The following CCDC152 variants were observed in gnomAD, a reference collection of about 807,000 sequenced individuals.
CCDC152 encodes coiled-coil domain containing 152.
In CCDC152, 37 loss-of-function variants were observed where a neutral mutation model predicts 38.1. The ratio of observed to expected loss-of-function variants is 0.97; its 90% CI spans 0.75 to 1.28. The LOEUF is 1.28. Among genes scored for constraint, CCDC152 ranks in the 50% most tolerant of loss-of-function variants. The pLI is 0.00. For synonymous variants in CCDC152, 83 were observed against 87.1 expected (o/e 0.95, Z 0.26); for missense variants, 259 against 292.1 (o/e 0.89, Z 0.83).
At position 42,799,966 on chromosome 5, in the gene CCDC152, C is replaced by A; in HGVS notation, c.*185C>A. ...TGCATTCTTGCTTAATAGTATTAAC[C>A]ATAAAGGAGGTCAGGTTTATAGGGT... is the stretch of plus-strand genomic sequence containing the variant. On this transcript the variant is annotated 3_prime_UTR_variant, in exon 9 of 9. Transcript: ENST00000361970. The A allele has an allele frequency of 1.6e-6, 1 of 640,448 alleles. No homozygotes were observed. Among genetic ancestry groups the A allele is most frequent in the Non-Finnish European group, 2.6e-6 (1 of 390,614 alleles). The allele number at this position is 640,448 out of a possible 1,614,324, so 39.7% of individuals were successfully genotyped here.
At chr5:42,782,913 C>CTGG (rs1262375591) in intron 5 of CCDC152, among the ~76,000 whole-genome samples, 1 of 151,836 alleles carries the variant, frequency 6.6e-6, no homozygotes, top group Non-Finnish European at 1.5e-5. Flanking sequence ...GTCCCCCAGG[C>CTGG]TGGAGTGCAG....
At position 42,801,126 on chromosome 5, in the gene CCDC152, T is replaced by A; in HGVS notation, c.*1345T>A. On this transcript the variant is annotated 3_prime_UTR_variant, in exon 9 of 9. Transcript: ENST00000361970. ...CTGCCTATGCTGACCCTTGTGCTTATGGTGGTGATGAAGGCCTGGAGGAGC... is the reference window on the plus strand; with the variant it reads ...CTGCCTATGCTGACCCTTGTGCTTAAGGTGGTGATGAAGGCCTGGAGGAGC... 1 of 1,614,138 alleles carries A rather than the reference T, an allele frequency of 6.2e-7. No individual in the cohort carries two copies. The highest frequency in any genetic ancestry group is 1.6e-4 in the Middle Eastern group (1 of 6,062).
intron 4 of CCDC152, among the ~76,000 whole-genome samples, chr5:42,772,964 C>T (rs1274494948): frequency 6.6e-6 from 1 of 152,180 alleles, no homozygotes; most frequent in African/African-American, 2.4e-5. Context: ...GGAAGCTGAT[C>T]GCATCCAAGC....
intron 7 of CCDC152, among the ~76,000 whole-genome samples, 188 bp downstream of exon 7, chr5:42,797,144 C>T (rs1760087006): frequency 6.6e-6 from 1 of 152,236 alleles, no homozygotes; most frequent in South Asian, 2.1e-4. Context: ...TCTGCATTGC[C>T]TTTCAGCACT....
At chr5:42,780,206 T>C (rs1023758930) in intron 5 of CCDC152, among the ~76,000 whole-genome samples, 2 of 152,152 alleles carry the variant, frequency 1.3e-5, no homozygotes, top group Non-Finnish European at 2.9e-5. Flanking sequence ...GTTGAATCTA[T>C]AGGAGCTTTC....
intron 2 of CCDC152, 32 bp downstream of exon 2, chr5:42,759,240 T>C (rs983917407): frequency 7.4e-7 from 1 of 1,345,052 alleles, no homozygotes; most frequent in Admixed American, 2.2e-5. Flanking sequence ...TTCTACTATA[T>C]AGGGATACAT....
At chr5:42,797,634 G>A (rs887951194) in intron 7 of CCDC152, among the ~76,000 whole-genome samples, 6 of 151,928 alleles carry the variant, frequency 3.9e-5, no homozygotes, top group African/African-American at 9.7e-5. Flanking sequence ...TGTTTCTAAC[G>A]CTTCACATTT....
At position 42,769,685 on chromosome 5, in the gene CCDC152, A is replaced by G. The variant is rs1241170970; in HGVS notation, c.262+20A>G. 2 of 1,465,146 alleles carry G rather than the reference A, an allele frequency of 1.4e-6. No individual in the cohort carries two copies. The highest frequency in any genetic ancestry group is 1.8e-6 in the Non-Finnish European group (2 of 1,106,728). The allele number at this position is 1,465,146 out of a possible 1,614,324, so 90.8% of individuals were successfully genotyped here. ...TGAAAGGTAAGTTAGAAAAAAAAGT[A>G]AAATCTAAAAAAGCATTGTGTATTT... On this transcript the variant is annotated intron_variant, in intron 4 of 8. Transcript: ENST00000361970.
chr5:42,771,566 C>A (rs1759699440), intron 4 of CCDC152, among the ~76,000 whole-genome samples: 1 of 150,846 alleles, frequency 6.6e-6, no homozygotes, highest in Non-Finnish European at 1.5e-5. Flanking sequence ...TATATAAAAG[C>A]AGAAATGAAA....
chr5:42,759,029 T>C lies in CCDC152; in HGVS notation c.-2-91T>C, dbSNP rs900374213. 1.8e-5 allele frequency: 16 copies of C among 904,512 alleles called. No homozygotes were observed. In the East Asian group the frequency reaches 2.8e-4, roughly 16 times the overall value. The allele number at this position is 904,512 out of a possible 1,614,324, so 56.0% of individuals were successfully genotyped here. A position where few individuals can be genotyped will look rare whatever the true frequency, so the allele number is the denominator to read the frequency against. On this transcript the variant is annotated intron_variant, in intron 1 of 8. Coordinates refer to ENST00000361970, the MANE Select transcript of CCDC152 (RefSeq NM_001134848.2). Reference sequence around the variant, plus strand: ...AAGTAGGTGCCCTATGAGTTGAATATAGAAATGTTAGTATTTGAGCTATGA... The same window carrying C: ...AAGTAGGTGCCCTATGAGTTGAATACAGAAATGTTAGTATTTGAGCTATGA...
intron 6 of CCDC152, among the ~76,000 whole-genome samples, chr5:42,790,269 C>T (rs1490021509): frequency 2.0e-5 from 3 of 151,972 alleles, no homozygotes; most frequent in African/African-American, 4.8e-5. Context: ...GTTGGGAGTT[C>T]GAGTTCAGGC....
intron 6 of CCDC152, among the ~76,000 whole-genome samples, chr5:42,784,554 A>G (rs1343890796): frequency 6.6e-6 from 1 of 151,982 alleles, no homozygotes; most frequent in Non-Finnish European, 1.5e-5. Flanking sequence ...CCCATTCTGT[A>G]GGTTGTCTGT....
chr5:42,780,444 C>CA (rs1759830305), intron 5 of CCDC152, among the ~76,000 whole-genome samples: 1 of 151,966 alleles, frequency 6.6e-6, no homozygotes, highest in Non-Finnish European at 1.5e-5. Flanking sequence ...TATTCTTTCC[C>CA]AATCCTTTTA....
chr5:42,758,984 C>A (rs900903029), intron 1 of CCDC152, 136 bp from the exon 2 acceptor site: 2 of 539,328 alleles, frequency 3.7e-6, no homozygotes, highest in East Asian at 6.3e-5. Flanking sequence ...AACAAAAATT[C>A]TCGCAGTGCA....
chr5:42,772,741 A>G (rs896789364), intron 4 of CCDC152, among the ~76,000 whole-genome samples: 2 of 152,130 alleles, frequency 1.3e-5, no homozygotes, highest in Non-Finnish European at 2.9e-5. Context: ...CACTTTCCCA[A>G]TGCTTTTACA....
At chr5:42,758,231 G>A (rs1579702387) in intron 1 of CCDC152, among the ~76,000 whole-genome samples, 3 of 152,172 alleles carry the variant, frequency 2.0e-5, no homozygotes, top group South Asian at 4.1e-4. Flanking sequence ...ATATCTTGAT[G>A]AAATAACATA....
rs553083986 is a variant in CCDC152 at position 42,765,994 on chromosome 5, A to G, written c.193+3446A>G. On this transcript the variant is annotated intron_variant, in intron 3 of 8. Coordinates refer to ENST00000361970, the MANE Select transcript of CCDC152 (RefSeq NM_001134848.2). Reference sequence around the variant, plus strand: ...AGAGACAACCCACAGAATGGGAAAAAATATTTGCAAACTACCCCTCTGACA... The same window carrying G: ...AGAGACAACCCACAGAATGGGAAAAGATATTTGCAAACTACCCCTCTGACA... Among the ~76,000 whole-genome samples the G allele has an allele frequency of 2.9e-4, 44 of 152,282 alleles. 1 individual carries two copies. The highest frequency in any genetic ancestry group is 1.0e-3 in the African/African-American group (42 of 41,566).
rs376550561 is a variant in CCDC152 at position 42,800,560 on chromosome 5, A to T, written c.*779A>T. 6 of 827,300 alleles carry T rather than the reference A, an allele frequency of 7.3e-6. No individual in the cohort carries two copies. The highest frequency in any genetic ancestry group is 1.1e-5 in the Non-Finnish European group (6 of 551,630). 51.2% of individuals were successfully genotyped at this position (827,300 alleles called of 1,614,324 possible). A position where few individuals can be genotyped will look rare whatever the true frequency, so the allele number is the denominator to read the frequency against. The stretch of plus-strand genomic sequence containing the variant: ...AAATATGGTTTGAGTCAATATTTCT[A>T]TGACATAAAATTTAAAATCTGGAAG... On this transcript the variant is annotated 3_prime_UTR_variant, in exon 9 of 9. Transcript: ENST00000361970.
At chr5:42,775,025 GAA>G (rs35289008) in intron 4 of CCDC152, among the ~76,000 whole-genome samples, 1 of 133,122 alleles carries the variant, frequency 7.5e-6, no homozygotes, top group African/African-American at 2.7e-5. Context: ...TGAAATTTCA[GAA>G]AAAAAAAAAA....
Sources: gnomAD v4.1 joint callset for allele counts (sites outside exome capture counted in the v4.1 genomes callset) on GRCh38, gnomAD v4.1.1 for gene constraint, MANE v1.5 for transcripts, NCBI Gene and HGNC (gene_info 2026-07-23, HGNC 2026-07-21) for gene names.